The following PROX2 variants were observed in gnomAD, a reference collection of about 807,000 sequenced individuals.
PROX2 encodes prospero homeobox 2, also known as prospero homeobox protein 2.
In PROX2, 46 loss-of-function variants were observed where a neutral mutation model predicts 48.9. The observed-to-expected ratio is 0.94, with a 90% CI of 0.74 to 1.20. The LOEUF is 1.20. PROX2 is among the 50% of genes most tolerant of loss of function. The pLI, the probability that PROX2 is intolerant of heterozygous loss-of-function variation, is 0.00. For synonymous variants in PROX2, 260 were observed against 276.6 expected, an observed-to-expected ratio of 0.94 and a Z score of 0.60; for missense variants, 663 against 719.4, an observed-to-expected ratio of 0.92 and a Z score of 0.90.
rs2091803847 is a variant in PROX2, at chr14:74,862,635, A to T, written c.1200T>A (p.Pro400=). ...GACTTTCCAGATGGGCAGAGGTGAA[A>T]GGCAAGGGACACTGCTGCTGGCTCA... ...LVLSQQQCPL[P]FTSAHLESLP... Residue 400 remains proline, a synonymous_variant, in exon 3 of 6, where the codon CCT becomes CCA. Coordinates refer to ENST00000556489, the MANE Select transcript of PROX2 (RefSeq NM_001243007.2). 6.2e-7 allele frequency: 1 copy of T among 1,613,976 alleles called. No homozygotes were observed. Among genetic ancestry groups the T allele is most frequent in the Non-Finnish European group, 8.5e-7 (1 of 1,179,886 alleles).
intron 3 of PROX2, among the ~76,000 whole-genome samples, chr14:74,862,003 G>A (rs2091798009): frequency 6.6e-6 from 1 of 152,080 alleles, no homozygotes; most frequent in South Asian, 2.1e-4. Context: ...AACCCTTTTA[G>A]ACCCAAAGGA....
intron 4 of PROX2, chr14:74,857,321 C>T: frequency 4.8e-6 from 1 of 210,426 alleles, no homozygotes; most frequent in Non-Finnish European, 9.6e-6. Flanking sequence ...CCAGATTTTG[C>T]TGCACCCAGG....
rs766173041 is a variant in PROX2 at position 74,856,824 on chromosome 14, A to T, written c.1585T>A (p.Tyr529Asn). The T allele has an allele frequency of 1.2e-6, 2 of 1,613,982 alleles. No homozygotes were observed. The highest frequency in any genetic ancestry group is 1.7e-5 in the Admixed American group (1 of 60,016). ...SELFQALNMH[Y>N]NKGNDFEVPD... Reference sequence around the variant, plus strand: ...ACCTCAAAGTCATTTCCCTTGTTGTAGTGCATATTGAGAGCTTGAAAAAGT... The same window carrying T: ...ACCTCAAAGTCATTTCCCTTGTTGTTGTGCATATTGAGAGCTTGAAAAAGT... Residue 529 changes from tyrosine to asparagine, a missense_variant, in exon 5 of 6, where the codon TAC (tyrosine) becomes AAC (asparagine). Transcript: ENST00000556489.
At position 74,863,575 on chromosome 14, in the gene PROX2, G is replaced by A. The variant is rs777017206; in HGVS notation, c.260C>T (p.Ala87Val). 166 of 1,612,594 alleles carry A rather than the reference G, an allele frequency of 1.0e-4. No homozygotes were observed. Among genetic ancestry groups the A allele is most frequent in the Middle Eastern group, 1.6e-4 (1 of 6,074 alleles). The change falls in exon 3 of 6, where the codon GCG becomes GTG. Residue 87 changes from alanine to valine, a missense_variant. By Grantham distance (64) the Ala-to-Val change is moderately conservative. Transcript: ENST00000556489. The stretch of plus-strand genomic sequence containing the variant: ...GCAGCGTGGGCTGACCCCAGCTTGC[G>A]CATTGCCTGGCACCAGAGGATTCGG... ...LSPNPLVPGN[A>V]QAGVSPRCPK...
At chr14:74,873,893 A>T in intron 1 of PROX2, 1 of 454,974 alleles carries the variant, frequency 2.2e-6, no homozygotes, top group African/African-American at 2.0e-5. Flanking sequence ...TGGGAACTGC[A>T]GTGTGAGGAG....
chr14:74,858,513 AT>A lies in PROX2; in HGVS notation c.1306del (p.Ile436SerfsTer5). Reference protein sequence around the residue: ...MEALPFSLVHIQEGLNPGHLK... With the variant: ...MEALPFSLVHXQEGLNPGHLK... ...GTGACCAGGGTTTAGACCCTCCTGG[AT>A]TTATCTCAGTGTCAAGGAAAATGAA... On this transcript the variant is annotated frameshift_variant and splice_region_variant, in exon 4 of 6. Transcript: ENST00000556489. LOFTEE classifies it high-confidence loss of function. 6.5e-7 allele frequency: 1 copy of A among 1,537,080 alleles called. No individual in the cohort carries two copies. Among genetic ancestry groups the A allele is most frequent in the Non-Finnish European group, 8.9e-7 (1 of 1,128,146 alleles).
chr14:74,865,492 C>T (rs149420918), intron 2 of PROX2, among the ~76,000 whole-genome samples: 202 of 152,314 alleles, frequency 1.3e-3, no homozygotes, highest in Middle Eastern at 3.4e-3. Context: ...TTTATTCCCA[C>T]AAAGCATCAA....
At position 74,868,313 on chromosome 14, in the gene PROX2, TTATATATATATATATATATATATA is replaced by T. The variant is rs4026383; in HGVS notation, c.-175+2766_-175+2789del. 5.6e-3 allele frequency among the ~76,000 whole-genome samples: 301 copies of T among 53,794 alleles called. 11 individuals carry two copies. Among genetic ancestry groups the T allele is most frequent in the African/African-American group, 0.014 (245 of 17,242 alleles). 35.3% of individuals were successfully genotyped at this position (53,794 alleles called of 152,430 possible). On this transcript the variant is annotated intron_variant, in intron 2 of 5. Coordinates refer to ENST00000556489, the MANE Select transcript of PROX2 (RefSeq NM_001243007.2). Reference sequence around the variant, plus strand: ...CAGAGAAGTTTATAATTTCTCGTAATTATATATATATATATATATATATATATATATATATATATATATATATAA... The same window carrying T: ...CAGAGAAGTTTATAATTTCTCGTAATTATATATATATATATATATATATAA...
chr14:74,855,292 C>A lies in PROX2; in HGVS notation c.1619G>T (p.Cys540Phe). 1 of 1,550,934 alleles carries A rather than the reference C, an allele frequency of 6.4e-7. No homozygotes were observed. Reference sequence around the variant, plus strand: ...CGTCAAGCTGGCAATTTCCAAGAAGCAATCTGGAACCTGCATTTCCAAAGA... The same window carrying A: ...CGTCAAGCTGGCAATTTCCAAGAAGAAATCTGGAACCTGCATTTCCAAAGA... Reference protein sequence around the residue: ...NKGNDFEVPDCFLEIASLTLQ... With the variant: ...NKGNDFEVPDFFLEIASLTLQ... Residue 540 changes from cysteine to phenylalanine, a missense_variant, in exon 6 of 6, where the codon TGC (cysteine) becomes TTC (phenylalanine). Coordinates refer to ENST00000556489, the MANE Select transcript of PROX2 (RefSeq NM_001243007.2).
chr14:74,870,708 T>C (rs1365245836), intron 2 of PROX2, among the ~76,000 whole-genome samples: 6 of 152,136 alleles, frequency 3.9e-5, no homozygotes, highest in African/African-American at 7.2e-5. Context: ...CTCTGTACTT[T>C]CCATTCAATT....
At chr14:74,873,200 G>A (rs182089848) in intron 1 of PROX2, among the ~76,000 whole-genome samples, 1 of 152,070 alleles carries the variant, frequency 6.6e-6, no homozygotes, top group Non-Finnish European at 1.5e-5. Context: ...AGCCAGGATG[G>A]TCTCAATCTC....
intron 2 of PROX2, 145 bp downstream of exon 2, chr14:74,870,958 C>T (rs1319043995): frequency 6.6e-6 from 1 of 152,170 alleles, no homozygotes; most frequent in Non-Finnish European, 1.5e-5. Context: ...AGGGGAATTG[C>T]TTGAACCACG....
At chr14:74,862,417 C>G in intron 3 of PROX2, 113 bp downstream of exon 3, 1 of 1,217,370 alleles carries the variant, frequency 8.2e-7, no homozygotes, top group Non-Finnish European at 1.1e-6. Context: ...TAGTCTTGAA[C>G]ACCTGTCCTC....
rs1275349488 is a variant in PROX2, at chr14:74,855,146, T to C, written c.1765A>G (p.Ser589Gly). 6.4e-7 allele frequency: 1 copy of C among 1,563,562 alleles called. No individual in the cohort carries two copies. Among genetic ancestry groups the C allele is most frequent in the Non-Finnish European group, 8.7e-7 (1 of 1,145,820 alleles). ...CCCCGAAACAGCTACTGGGGATAGC[T>C]GGAAGATTTGAATATCTCTGGGATG... ...SDIPEIFKSSSYPQ is the reference protein window; with the variant it reads ...SDIPEIFKSSGYPQ Residue 589 changes from serine to glycine, a missense_variant, in exon 6 of 6, where the codon AGC becomes GGC. Physicochemically the swap from Ser to Gly is moderately conservative, Grantham distance 56. Coordinates refer to ENST00000556489, the MANE Select transcript of PROX2 (RefSeq NM_001243007.2).
In PROX2 at chr14:74,858,505, C is replaced by T. The variant is rs2091765248; in HGVS notation, c.1315G>A (p.Gly439Ser). ...TTCTTCAAGTGACCAGGGTTTAGAC[C>T]CTCCTGGATTTATCTCAGTGTCAAG... ...LPFSLVHIQE[G>S]LNPGHLKKAK... The change falls in exon 4 of 6, where the codon GGT (glycine) becomes AGT (serine). Residue 439 changes from glycine (G) to serine (S), a missense_variant. Transcript: ENST00000556489. 1.3e-6 allele frequency: 2 copies of T among 1,560,116 alleles called. No individual in the cohort carries two copies. The highest frequency in any genetic ancestry group is 1.4e-5 in the African/African-American group (1 of 73,766).
chr14:74,872,766 T>C (rs1378071776), intron 1 of PROX2, among the ~76,000 whole-genome samples: 2 of 152,152 alleles, frequency 1.3e-5, no homozygotes, highest in Non-Finnish European at 2.9e-5. Flanking sequence ...AGGCCACCCA[T>C]CCATCTCTGG....
chr14:74,858,661 ACT>A (rs1267766802), intron 3 of PROX2, 147 bp from the exon 4 acceptor site: 4 of 588,332 alleles, frequency 6.8e-6, no homozygotes, highest in African/African-American at 1.9e-5. Flanking sequence ...GTCTCTGGAA[ACT>A]CTGGTCAAAT....
At chr14:74,870,807 A>C (rs1361785371) in intron 2 of PROX2, among the ~76,000 whole-genome samples, 1 of 152,138 alleles carries the variant, frequency 6.6e-6, no homozygotes, top group Non-Finnish European at 1.5e-5. Context: ...TGGGAGGCCA[A>C]GGGGAGTGGA....
intron 3 of PROX2, chr14:74,861,251 T>A: frequency 7.4e-7 from 1 of 1,350,756 alleles, no homozygotes; most frequent in Non-Finnish European, 9.8e-7. Context: ...TTCTGGAGAT[T>A]CCCCTCAAAG....
Sources: allele counts gnomAD v4.1 joint callset (sites outside exome capture counted in the v4.1 genomes callset), GRCh38; gene constraint gnomAD v4.1.1; transcripts MANE v1.5; gene names NCBI Gene and HGNC (gene_info 2026-07-23, HGNC 2026-07-21).